Variants in CALD1 observed in about 807,000 individuals in gnomAD.
The protein encoded by CALD1 is caldesmon 1, also known as caldesmon.
CALD1 carries 33 observed loss-of-function variants against 99.9 expected under a neutral mutation model. The observed-to-expected ratio is 0.33, with a 90% CI of 0.25 to 0.44. The LOEUF is 0.44. Among genes scored for constraint, CALD1 ranks in the 20% least tolerant of loss-of-function variants. The pLI, the probability that CALD1 is intolerant of heterozygous loss-of-function variation, is 1.00. For synonymous variants in CALD1, 310 were observed against 325.0 expected (o/e 0.95, Z 0.50); for missense variants, 861 against 962.1 (o/e 0.89, Z 1.39).
intron 4 of CALD1, among the ~76,000 whole-genome samples, chr7:134,932,479 G>A (rs1048050033): frequency 1.3e-5 from 2 of 152,198 alleles, no homozygotes; most frequent in East Asian, 1.9e-4. Context: ...CAGAAACAAC[G>A]ATTTGACTGC....
At chr7:134,745,946 G>A (rs1796631387) in intron 1 of CALD1, among the ~76,000 whole-genome samples, 2 of 152,168 alleles carry the variant, frequency 1.3e-5, no homozygotes, top group South Asian at 4.1e-4. Context: ...AACTTGTGAT[G>A]TATGGTGTTA....
chr7:134,910,803 G>T (rs908511468), intron 3 of CALD1, among the ~76,000 whole-genome samples: 8 of 152,162 alleles, frequency 5.3e-5, no homozygotes, highest in African/African-American at 1.9e-4. Flanking sequence ...GGTCTTCTTA[G>T]TAAGTAAAAT....
intron 1 of CALD1, among the ~76,000 whole-genome samples, chr7:134,816,838 TG>T (rs1798583394): frequency 6.6e-6 from 1 of 152,212 alleles, no homozygotes. Context: ...GACTCTACTG[TG>T]TCAGAAGGTA....
intron 1 of CALD1, among the ~76,000 whole-genome samples, chr7:134,787,705 C>T (rs1797359931): frequency 6.6e-6 from 1 of 152,136 alleles, no homozygotes; most frequent in African/African-American, 2.4e-5. Flanking sequence ...CTAGGTTCTT[C>T]CTTTATTCGG....
intron 1 of CALD1, among the ~76,000 whole-genome samples, chr7:134,823,347 T>C (rs553001455): frequency 1.2e-4 from 18 of 152,316 alleles, no homozygotes; most frequent in African/African-American, 4.1e-4. Context: ...AGCCAAACAT[T>C]GGGTATCATG....
intron 3 of CALD1, among the ~76,000 whole-genome samples, chr7:134,876,917 T>G (rs1049032923): frequency 1.3e-5 from 2 of 152,184 alleles, no homozygotes; most frequent in African/African-American, 4.8e-5. Context: ...GACAGGTGCC[T>G]TTCAGAGAGT....
rs766571842 is a variant in CALD1, at chr7:134,928,835, G to A, written c.153G>A (p.Arg51=). The change falls in exon 4 of 15, where the codon CGG becomes CGA. Residue 51 remains arginine, a synonymous_variant. Transcript: ENST00000361675. The stretch of plus-strand genomic sequence containing the variant: ...GCCGAGCCCGACAGGAACGGCTGCG[G>A]CAGAAGCAGGAGGAAGAATCCTTGG... ...RRRRARQERL[R]QKQEEESLGQ... is the part of the protein sequence containing the mutation. 16 of 1,613,868 alleles carry A rather than the reference G, an allele frequency of 9.9e-6. No individual in the cohort carries two copies. The East Asian group carries it at 3.6e-4, about 36-fold the overall frequency.
intron 6 of CALD1, 101 bp downstream of exon 6, chr7:134,935,866 C>G (rs1238223075): frequency 3.5e-6 from 4 of 1,158,664 alleles, no homozygotes; most frequent in Non-Finnish European, 4.8e-6. Flanking sequence ...AACCTCATAT[C>G]CAGTGTATTT....
At chr7:134,919,298 A>G (rs1413260159) in intron 3 of CALD1, among the ~76,000 whole-genome samples, 1 of 152,186 alleles carries the variant, frequency 6.6e-6, no homozygotes, top group Non-Finnish European at 1.5e-5. Context: ...TACAGGACCC[A>G]CCAGACCTGA....
At chr7:134,810,067 T>G (rs1006777765) in intron 1 of CALD1, among the ~76,000 whole-genome samples, 50 of 152,202 alleles carry the variant, frequency 3.3e-4, no homozygotes, top group Non-Finnish European at 5.4e-4. Flanking sequence ...TATTGAATTT[T>G]TATAAAAGTA....
At chr7:134,897,369 A>G (rs898775119) in intron 3 of CALD1, among the ~76,000 whole-genome samples, 2 of 147,948 alleles carry the variant, frequency 1.4e-5, no homozygotes, top group African/African-American at 4.9e-5. Flanking sequence ...CCCAGTACCT[A>G]TATACAATAT....
At chr7:134,726,291 CATAT>C in the CALD1 span, among the ~76,000 whole-genome samples, 1 of 147,498 alleles carries the variant, frequency 6.8e-6, no homozygotes, top group African/African-American at 2.5e-5. Flanking sequence ...ACTATATAAG[CATAT>C]ATAAATATAT....
At chr7:134,898,825 C>G (rs1178473613) in intron 3 of CALD1, among the ~76,000 whole-genome samples, 2 of 152,074 alleles carry the variant, frequency 1.3e-5, no homozygotes, top group Non-Finnish European at 2.9e-5. Flanking sequence ...AAAGTGCCGG[C>G]ATTATAGGCG....
chr7:134,942,856 T>A (rs573911644), intron 7 of CALD1, among the ~76,000 whole-genome samples: 1 of 152,338 alleles, frequency 6.6e-6, no homozygotes, highest in African/African-American at 2.4e-5. Flanking sequence ...CCAACAAGCT[T>A]CAAAGCTCAA....
At position 134,902,054 on chromosome 7, in the gene CALD1, C is replaced by A. The variant is rs115292287; in HGVS notation, c.72-26700C>A. On this transcript the variant is annotated intron_variant, in intron 3 of 14. Coordinates refer to ENST00000361675, the MANE Select transcript of CALD1 (RefSeq NM_033138.4). ...TAAATGCAACGAGCCTGGGCATTACCTCCACATTCTAAAATTGGGCACAAT... is the reference window on the plus strand; with the variant it reads ...TAAATGCAACGAGCCTGGGCATTACATCCACATTCTAAAATTGGGCACAAT... Among the ~76,000 whole-genome samples, 951 of 152,176 alleles carry A rather than the reference C, an allele frequency of 6.2e-3. 16 individuals carry two copies. Among genetic ancestry groups the A allele is most frequent in the African/African-American group, 0.021 (874 of 41,466 alleles).
intron 3 of CALD1, among the ~76,000 whole-genome samples, chr7:134,890,410 G>A (rs1158563102): frequency 2.0e-5 from 3 of 152,184 alleles, no homozygotes; most frequent in Admixed American, 2.0e-4. Context: ...ACATGAAGCC[G>A]CAGATCTCAA....
At chr7:134,914,824 T>C (rs980073008) in intron 3 of CALD1, among the ~76,000 whole-genome samples, 5 of 152,244 alleles carry the variant, frequency 3.3e-5, no homozygotes, top group Admixed American at 3.3e-4. Flanking sequence ...TAGCTGGAAT[T>C]GCCTTCTTCC....
At chr7:134,921,300 A>C (rs1385512583) in intron 3 of CALD1, among the ~76,000 whole-genome samples, 1 of 152,266 alleles carries the variant, frequency 6.6e-6, no homozygotes, top group Non-Finnish European at 1.5e-5. Context: ...AAAACACTTT[A>C]TCAACAAATA....
At chr7:134,962,427 A>G (rs1808347560) in intron 13 of CALD1, 1 of 152,432 alleles carries the variant, frequency 6.6e-6, no homozygotes. Flanking sequence ...TGCCTGCTTT[A>G]CCTACTAATT....
Sources: allele counts gnomAD v4.1 joint callset (sites outside exome capture counted in the v4.1 genomes callset), GRCh38; gene constraint gnomAD v4.1.1; transcripts MANE v1.5; gene names NCBI Gene and HGNC (gene_info 2026-07-23, HGNC 2026-07-21).